Variants in RBFOX1 observed in about 807,000 individuals in gnomAD.
RBFOX1 encodes RNA binding fox-1 homolog 1, also known as RNA binding protein fox-1 homolog 1.
A neutral mutation model predicts 57.7 loss-of-function variants in RBFOX1; 8 were observed. The observed-to-expected ratio is 0.14, with a 90% confidence interval of 0.08 to 0.25. RBFOX1 has a LOEUF of 0.25. RBFOX1 is among the 10% of genes least tolerant of loss of function. The pLI, the probability that RBFOX1 is intolerant of heterozygous loss-of-function variation, is 1.00. For synonymous variants in RBFOX1, 326 were observed against 222.4 expected, an observed-to-expected ratio of 1.47 and a Z score of -4.15; for missense variants, 611 against 548.5, an observed-to-expected ratio of 1.11 and a Z score of -1.14.
At chr16:6,294,121 G>T (rs1406287664) in intron 1 of RBFOX1, among the ~76,000 whole-genome samples, 1 of 152,088 alleles carries the variant, frequency 6.6e-6, no homozygotes, top group Non-Finnish European at 1.5e-5. Context: ...GTTCCAGGCT[G>T]CAGTGAGCTA....
intron 5 of RBFOX1, among the ~76,000 whole-genome samples, chr16:7,555,071 T>G (rs762361833): frequency 6.6e-6 from 1 of 152,202 alleles, no homozygotes; most frequent in Non-Finnish European, 1.5e-5. Flanking sequence ...TAAAGGGTAT[T>G]TGCTATTGTT....
At chr16:5,879,846 C>A (rs893070006) in intron 4 of RBFOX1, among the ~76,000 whole-genome samples, 2 of 152,204 alleles carry the variant, frequency 1.3e-5, no homozygotes, top group African/African-American at 4.8e-5. Context: ...TCCACTATCA[C>A]TCTGGCAGGG....
chr16:7,222,324 G>C (rs13339509), intron 4 of RBFOX1, among the ~76,000 whole-genome samples: 17,329 of 152,190 alleles, frequency 0.11, 1,295 homozygotes, highest in African/African-American at 0.21. Context: ...AATGTGCAAA[G>C]TCTCATGTTG....
intron 3 of RBFOX1, among the ~76,000 whole-genome samples, chr16:6,746,216 C>T (rs1166827724): frequency 6.6e-6 from 1 of 151,872 alleles, no homozygotes; most frequent in Non-Finnish European, 1.5e-5. Context: ...CAACACAATG[C>T]CAATCAAACC....
In RBFOX1 at chr16:5,485,113, G is replaced by C. The variant is rs185566531; in HGVS notation, c.258+17859G>C. 3.3e-5 allele frequency among the ~76,000 whole-genome samples: 5 copies of C among 152,058 alleles called. 1 individual carries two copies. The Middle Eastern group carries it at 0.017, about 528-fold the overall frequency. ...TGTAATCCCAGCACTTTGGGAGGCC[G>C]AGGCGGGCGGATGACGAGGTCAGAA... On this transcript the variant is annotated intron_variant, in intron 2 of 2. Coordinates refer to the RBFOX1 transcript ENST00000585867.
At chr16:5,783,800 G>C (rs9940764) in intron 3 of RBFOX1, among the ~76,000 whole-genome samples, 1 of 151,912 alleles carries the variant, frequency 6.6e-6, no homozygotes. Context: ...TGTTCCCAGG[G>C]GGCAGGCTCC....
At chr16:7,377,120 A>T (rs964891595) in intron 4 of RBFOX1, among the ~76,000 whole-genome samples, 18 of 152,250 alleles carry the variant, frequency 1.2e-4, no homozygotes, top group African/African-American at 4.1e-4. Flanking sequence ...AAGGTAATCT[A>T]TTGAGGAAAT....
chr16:5,618,265 G>T (rs1402976291), intron 3 of RBFOX1, among the ~76,000 whole-genome samples: 1 of 152,130 alleles, frequency 6.6e-6, no homozygotes, highest in Non-Finnish European at 1.5e-5. Flanking sequence ...TTGCTGTGAT[G>T]ATGGCTGTGT....
chr16:6,333,022 G>A (rs948427485), intron 2 of RBFOX1, among the ~76,000 whole-genome samples: 9 of 152,056 alleles, frequency 5.9e-5, no homozygotes, highest in African/African-American at 2.2e-4. Context: ...ATGTTTTGAT[G>A]TCCTTGACAT....
intron 3 of RBFOX1, among the ~76,000 whole-genome samples, chr16:6,850,934 C>A (rs765856641): frequency 1.3e-5 from 2 of 152,158 alleles, no homozygotes; most frequent in Non-Finnish European, 2.9e-5. Flanking sequence ...ATGTTCACTG[C>A]AGCTTTATTT....
chr16:7,678,042 T>C (rs1427013973), intron 14 of RBFOX1, among the ~76,000 whole-genome samples: 2 of 152,190 alleles, frequency 1.3e-5, no homozygotes, highest in East Asian at 3.9e-4. Flanking sequence ...AAAAGCTGCA[T>C]TTTGAAAACC....
At chr16:6,447,615 G>A (rs184246052) in intron 2 of RBFOX1, among the ~76,000 whole-genome samples, 30 of 152,154 alleles carry the variant, frequency 2.0e-4, no homozygotes, top group Admixed American at 1.1e-3. Flanking sequence ...TGCATACTGT[G>A]TATCTCTACG....
intron 3 of RBFOX1, among the ~76,000 whole-genome samples, chr16:5,802,646 C>A (rs1330800629): frequency 6.6e-6 from 1 of 152,154 alleles, no homozygotes; most frequent in South Asian, 2.1e-4. Context: ...TAGAGCTAGA[C>A]CCTGCAGATT....
chr16:6,946,870 A>G (rs2079636655), intron 3 of RBFOX1, among the ~76,000 whole-genome samples: 1 of 152,086 alleles, frequency 6.6e-6, no homozygotes, highest in African/African-American at 2.4e-5. Context: ...TGGCCTCCCC[A>G]AGTGCTGGGA....
At chr16:6,580,878 G>C (rs2097527703) in intron 2 of RBFOX1, among the ~76,000 whole-genome samples, 1 of 147,082 alleles carries the variant, frequency 6.8e-6, no homozygotes, top group Admixed American at 6.8e-5. Flanking sequence ...AATTTTTCCA[G>C]AAAGACCCTG....
chr16:6,779,901 A>ATATATATT (rs1269636268), intron 3 of RBFOX1, among the ~76,000 whole-genome samples: 1 of 14,060 alleles, frequency 7.1e-5, no homozygotes, highest in Admixed American at 1.6e-3. Context: ...ATATATATTT[A>ATATATATT]TATATATTTA....
chr16:6,757,288 C>T (rs1486539302), intron 3 of RBFOX1, among the ~76,000 whole-genome samples: 1 of 151,950 alleles, frequency 6.6e-6, no homozygotes. Flanking sequence ...CAGCAAAATC[C>T]CACTGTGGAT....
At position 6,697,386 on chromosome 16, in the gene RBFOX1, C is replaced by A. The variant is rs186895753; in HGVS notation, c.-16+42736C>A. On this transcript the variant is annotated intron_variant, in intron 3 of 15. Transcript: ENST00000550418. ...ATCCTTTGGGTGCAAGCAACAGAAA[C>A]CCAATTCAAACTACCTTCAACATAA... Among the ~76,000 whole-genome samples the A allele has an allele frequency of 3.3e-5, 5 of 152,250 alleles. No homozygotes were observed. In the East Asian group the frequency reaches 9.7e-4, roughly 29 times the overall value.
chr16:6,860,523 T>C (rs953125100), intron 3 of RBFOX1, among the ~76,000 whole-genome samples: 1 of 152,166 alleles, frequency 6.6e-6, no homozygotes, highest in Non-Finnish European at 1.5e-5. Context: ...TCATGGGACA[T>C]TCAAGATGCA....
Sources: gnomAD v4.1 joint callset for allele counts (sites outside exome capture counted in the v4.1 genomes callset) on GRCh38, gnomAD v4.1.1 for gene constraint, MANE v1.5 for transcripts, NCBI Gene and HGNC (gene_info 2026-07-23, HGNC 2026-07-21) for gene names.